The following MATN1 variants were observed in gnomAD, a reference collection of about 807,000 sequenced individuals.
MATN1 encodes the protein matrilin 1.
Under a neutral mutation model 41.3 loss-of-function variants are expected in MATN1, and 34 were observed. The observed-to-expected ratio is 0.82, with a 90% CI of 0.63 to 1.10. The LOEUF is 1.10. MATN1 is among the 50% of genes least tolerant of loss of function. The pLI is 0.00. For missense variants in MATN1, 602 were observed against 662.4 expected, an observed-to-expected ratio of 0.91 and a Z score of 1.00; for synonymous variants, 264 against 278.7, an observed-to-expected ratio of 0.95 and a Z score of 0.53.
At chr1:30,714,183 C>T (rs1639588034) in intron 7 of MATN1, 64 bp downstream of exon 7, 4 of 1,353,288 alleles carry the variant, frequency 3.0e-6, no homozygotes, top group African/African-American at 1.4e-5. Context: ...TGGGCCATGC[C>T]CCCGCCTCCC....
At position 30,713,347 on chromosome 1, in the gene MATN1, C is replaced by T. The variant is rs1639576928; in HGVS notation, c.*235G>A. 8.8e-6 allele frequency: 5 copies of T among 569,600 alleles called. No individual in the cohort carries two copies. The highest frequency in any genetic ancestry group is 1.6e-5 in the Non-Finnish European group (5 of 314,304). 35.3% of individuals were successfully genotyped at this position (569,600 alleles called of 1,614,324 possible). A position where few individuals can be genotyped will look rare whatever the true frequency, so the allele number is the denominator to read the frequency against. On this transcript the variant is annotated 3_prime_UTR_variant, in exon 8 of 8. Coordinates refer to ENST00000373765, the MANE Select transcript of MATN1 (RefSeq NM_002379.3). ...TATCACTCTCACACTCACATTCTGG[C>T]AAGACTCATGCCCACCCTCAGGCGC...
At chr1:30,718,627 T>C (rs1411537320) in intron 3 of MATN1, 108 bp downstream of exon 3, 7 of 252,452 alleles carry the variant, frequency 2.8e-5, no homozygotes, top group Middle Eastern at 1.5e-3. Flanking sequence ...GCGCCGGCGC[T>C]GGCTCCGTCT....
chr1:30,718,070 A>G (rs1639643004), intron 3 of MATN1, among the ~76,000 whole-genome samples: 1 of 151,314 alleles, frequency 6.6e-6, no homozygotes, highest in African/African-American at 2.4e-5. Context: ...GCACCACCTC[A>G]GTCTAATCCA....
At chr1:30,716,475 G>A in intron 4 of MATN1, 150 bp from the exon 5 acceptor site, 1 of 818,138 alleles carries the variant, frequency 1.2e-6, no homozygotes, top group Non-Finnish European at 1.9e-6. Flanking sequence ...AAGGTGACTG[G>A]TCCCACTGTA....
At position 30,716,107 on chromosome 1, in the gene MATN1, CCTT is replaced by C. The variant is rs1639615508; in HGVS notation, c.1006_1008del (p.Lys336del). ...ATATTCCGCACAGCCGCCTTGATGTCCTTCTTGGTGTGGAAGCGACCCAGGGGG... is the reference window on the plus strand; with the variant it reads ...ATATTCCGCACAGCCGCCTTGATGTCCTTGGTGTGGAAGCGACCCAGGGGG... On this transcript the variant is annotated inframe_deletion, in exon 5 of 8. Coordinates refer to ENST00000373765, the MANE Select transcript of MATN1 (RefSeq NM_002379.3). 6 of 1,614,226 alleles carry C rather than the reference CCTT, an allele frequency of 3.7e-6. No homozygotes were observed. The highest frequency in any genetic ancestry group is 5.1e-6 in the Non-Finnish European group (6 of 1,180,034).
chr1:30,714,625 G>C (rs1349629351), intron 6 of MATN1, among the ~76,000 whole-genome samples: 2 of 152,166 alleles, frequency 1.3e-5, no homozygotes, highest in Non-Finnish European at 2.9e-5. Flanking sequence ...ACCTCAGTGA[G>C]TTCACCTCAG....
In MATN1 at chr1:30,712,868, G is replaced by A. The variant is rs1639569955; in HGVS notation, c.*714C>T. 1 of 152,140 alleles carries A rather than the reference G, an allele frequency of 6.6e-6. No individual in the cohort carries two copies. The highest frequency in any genetic ancestry group is 1.5e-5 in the Non-Finnish European group (1 of 68,062). The allele number at this position is 152,140 out of a possible 1,614,324, so 9.4% of individuals were successfully genotyped here. On this transcript the variant is annotated 3_prime_UTR_variant, in exon 8 of 8. Coordinates refer to ENST00000373765, the MANE Select transcript of MATN1 (RefSeq NM_002379.3). ...CTAGATTCAAGTCCTGTCTCTCAGCGACCCACTGCTGAGCAAGTCATTTCA... is the reference window on the plus strand; with the variant it reads ...CTAGATTCAAGTCCTGTCTCTCAGCAACCCACTGCTGAGCAAGTCATTTCA...
chr1:30,721,722 G>C lies in MATN1; in HGVS notation c.124C>G (p.Leu42Val). The C allele has an allele frequency of 6.2e-7, 1 of 1,611,846 alleles. No individual in the cohort carries two copies. Among genetic ancestry groups the C allele is most frequent in the Non-Finnish European group, 8.5e-7 (1 of 1,179,500 alleles). ...GHLCRTRPTDLVFVVDSSRSV... is the reference protein window; with the variant it reads ...GHLCRTRPTDVVFVVDSSRSV... The stretch of plus-strand genomic sequence containing the variant: ...CGAGAGCTGTCGACAACAAACACCA[G>C]GTCTGTGGGCCGCGTCCGGCAGAGA... The change falls in exon 2 of 8, where the codon CTG becomes GTG. Residue 42 changes from leucine to valine, a missense_variant. By Grantham distance (32) the Leu-to-Val change is conservative. Transcript: ENST00000373765.
Position 30,715,234 on chromosome 1 carries a change from G to A in MATN1, c.1283C>T (p.Ala428Val), listed in dbSNP as rs899563592. 2.5e-6 allele frequency: 4 copies of A among 1,614,214 alleles called. No individual in the cohort carries two copies. The highest frequency in any genetic ancestry group is 3.4e-6 in the Non-Finnish European group (4 of 1,180,026). ...GTCAGCCGTGTAGAAGTAGTGCTCTGCCACAGGCTCTGAGGCTATTTCCCT... is the reference window on the plus strand; with the variant it reads ...GTCAGCCGTGTAGAAGTAGTGCTCTACCACAGGCTCTGAGGCTATTTCCCT... ...ELREIASEPV[A>V]EHYFYTADFK... The change falls in exon 6 of 8, where the codon GCA becomes GTA. Residue 428 changes from alanine to valine, a missense_variant. Ala to Val is a moderately conservative substitution (Grantham distance 64). Coordinates refer to ENST00000373765, the MANE Select transcript of MATN1 (RefSeq NM_002379.3).
At chr1:30,714,410 C>A in intron 6 of MATN1, 83 bp from the exon 7 acceptor site, 1 of 1,146,666 alleles carries the variant, frequency 8.7e-7, no homozygotes, top group Non-Finnish European at 1.3e-6. Flanking sequence ...CTGCCCAGGG[C>A]CAGGACTCAG....
chr1:30,716,963 G>T (rs1194894398), intron 3 of MATN1, 48 bp from the exon 4 acceptor site: 1 of 1,566,680 alleles, frequency 6.4e-7, no homozygotes, highest in Non-Finnish European at 8.7e-7. Context: ...AGTGCCTTGG[G>T]CACTACAGAC....
At chr1:30,716,665 ATCTG>A in intron 4 of MATN1, 121 bp downstream of exon 4, 4 of 1,349,376 alleles carry the variant, frequency 3.0e-6, no homozygotes, top group Non-Finnish European at 4.0e-6. Flanking sequence ...TCTAAAAGGC[ATCTG>A]TCTGCTTTGA....
chr1:30,715,796 C>T (rs1639610481), intron 5 of MATN1, 113 bp downstream of exon 5: 2 of 1,090,872 alleles, frequency 1.8e-6, no homozygotes, highest in Non-Finnish European at 2.6e-6. Flanking sequence ...CATTCAAACT[C>T]ACCTGGGTTT....
chr1:30,714,447 G>A (rs1639592076), intron 6 of MATN1, 120 bp from the exon 7 acceptor site: 1 of 755,940 alleles, frequency 1.3e-6, no homozygotes, highest in African/African-American at 1.7e-5. Flanking sequence ...AGGGGCTTAA[G>A]GGACCTGAGG....
intron 5 of MATN1, 116 bp from the exon 6 acceptor site, chr1:30,715,425 G>A: frequency 1.1e-6 from 1 of 917,800 alleles, no homozygotes; most frequent in Admixed American, 2.4e-5. Context: ...GGCAGCTGCT[G>A]GAATTGCAAG....
intron 2 of MATN1, 114 bp from the exon 3 acceptor site, chr1:30,719,071 G>T: frequency 1.3e-6 from 1 of 794,988 alleles, no homozygotes; most frequent in Non-Finnish European, 1.8e-6. Flanking sequence ...CAGCCAGGCG[G>T]CACCCGGGGG....
rs766373392 is a variant in MATN1 at position 30,721,425 on chromosome 1, T to C, written c.421A>G (p.Arg141Gly). 1.2e-6 allele frequency: 2 copies of C among 1,609,700 alleles called. No homozygotes were observed. The highest frequency in any genetic ancestry group is 1.7e-6 in the Non-Finnish European group (2 of 1,176,718). ...AFGDAEGGRS[R>G]SPDISKVVIV... ...CGTACCTTGCTGATGTCAGGGGACC[T>C]GGAACGACCACCCTCTGCATCGCCG... The change falls in exon 2 of 8, where the codon AGG (arginine) becomes GGG (glycine). Residue 141 changes from arginine to glycine, a missense_variant. Arg to Gly is a moderately radical substitution (Grantham distance 125). Transcript: ENST00000373765.
chr1:30,721,363 G>A (rs1639691763), intron 2 of MATN1, 42 bp downstream of exon 2: 1 of 1,548,184 alleles, frequency 6.5e-7, no homozygotes, highest in African/African-American at 1.4e-5. Flanking sequence ...CCGAGCGGGA[G>A]CCTCCAAACA....
chr1:30,718,589 G>GCACCCCCCCCCCC (rs34067621), intron 3 of MATN1, 146 bp downstream of exon 3: 2 of 183,070 alleles, frequency 1.1e-5, no homozygotes, highest in South Asian at 2.0e-4. Flanking sequence ...CTCCGCCTCT[G>GCACCCCCCCCCCC]CCCCCCCCCC....
Sources: gnomAD v4.1 joint callset for allele counts (sites outside exome capture counted in the v4.1 genomes callset) on GRCh38, gnomAD v4.1.1 for gene constraint, MANE v1.5 for transcripts, NCBI Gene and HGNC (gene_info 2026-07-23, HGNC 2026-07-21) for gene names.